DNAJC13: variants seen among roughly 807,000 people sequenced by gnomAD.
DNAJC13 encodes DnaJ heat shock protein family (Hsp40) member C13, also known as dnaJ homolog subfamily C member 13.
A neutral mutation model predicts 290.5 loss-of-function variants in DNAJC13; 75 were observed. The ratio of observed to expected loss-of-function variants is 0.26; its 90% CI spans 0.21 to 0.31. DNAJC13 has a LOEUF of 0.31. Among genes scored for constraint, DNAJC13 ranks in the 10% least tolerant of loss-of-function variants. The probability of loss-of-function intolerance (pLI) is 1.00; values close to 1 mark genes in which losing one functional copy is unlikely to be tolerated. For synonymous variants in DNAJC13, 862 were observed against 892.0 expected (o/e 0.97, Z 0.60); for missense variants, 2,260 against 2,674.5 (o/e 0.85, Z 3.42).
chr3:132,502,965 G>A (rs908984800), intron 40 of DNAJC13, among the ~76,000 whole-genome samples: 2 of 152,152 alleles, frequency 1.3e-5, no homozygotes, highest in African/African-American at 4.8e-5. Context: ...TCTTCCAGTT[G>A]TCTGTGAGAT....
At chr3:132,443,665 A>G (rs180943683) in intron 2 of DNAJC13, among the ~76,000 whole-genome samples, 1 of 152,322 alleles carries the variant, frequency 6.6e-6, no homozygotes, top group East Asian at 1.9e-4. Context: ...TATTTGCCCC[A>G]TCCTTAAGCG....
In DNAJC13 at chr3:132,499,290, A is replaced by G. The variant is rs1442080032; in HGVS notation, c.4321A>G (p.Arg1441Gly). ...TTCAGCCCTCAATGCTGAAGAGCTCAGAAGAGAGAATGGACTAGAGGTAAT... is the reference window on the plus strand; with the variant it reads ...TTCAGCCCTCAATGCTGAAGAGCTCGGAAGAGAGAATGGACTAGAGGTAAT... ...NCSALNAEEL[R>G]RENGLEVLQE... Residue 1441 changes from arginine to glycine, a missense_variant, in exon 37 of 56, where the codon AGA (arginine) becomes GGA (glycine). By Grantham distance (125) the Arg-to-Gly change is moderately radical. Around this residue, in one of 3 missense-constraint regions of DNAJC13, gnomAD observed 1,494 missense variants for 1,693.7 expected, o/e 0.88. Coordinates refer to ENST00000260818, the MANE Select transcript of DNAJC13 (RefSeq NM_015268.4). The G allele has an allele frequency of 1.9e-6, 3 of 1,609,208 alleles. No homozygotes were observed. Among genetic ancestry groups the G allele is most frequent in the African/African-American group, 2.7e-5 (2 of 74,742 alleles).
chr3:132,461,120 A>G lies in DNAJC13; in HGVS notation c.1628A>G (p.Tyr543Cys), dbSNP rs763684355. ...DFLTFALCAP[Y>C]SETTEGQQFD... ...CTTACCTTTGCCCTCTGTGCTCCAT[A>G]TAGTGAGACAACTGAAGGGCAGCAG... Residue 543 changes from tyrosine to cysteine, a missense_variant, in exon 15 of 56, where the codon TAT (tyrosine) becomes TGT (cysteine). Coordinates refer to ENST00000260818, the MANE Select transcript of DNAJC13 (RefSeq NM_015268.4). 2.0e-5 allele frequency: 32 copies of G among 1,613,988 alleles called. No homozygotes were observed. Among genetic ancestry groups the G allele is most frequent in the Non-Finnish European group, 2.5e-5 (30 of 1,179,970 alleles).
At chr3:132,538,040 A>G in intron 55 of DNAJC13, 136 bp from the exon 56 acceptor site, 1 of 632,404 alleles carries the variant, frequency 1.6e-6, no homozygotes, top group Non-Finnish European at 2.8e-6. Flanking sequence ...TAAGGTATAG[A>G]TGTAATTTAG....
At position 132,437,210 on chromosome 3, in the gene DNAJC13, C is replaced by G. The variant is rs998602584; in HGVS notation, c.68+2592C>G. Among the ~76,000 whole-genome samples the G allele has an allele frequency of 2.0e-5, 3 of 152,204 alleles. No individual in the cohort carries two copies. In the South Asian group the frequency reaches 6.2e-4, roughly 32 times the overall value. On this transcript the variant is annotated intron_variant, in intron 2 of 55. Coordinates refer to ENST00000260818, the MANE Select transcript of DNAJC13 (RefSeq NM_015268.4). ...TTTATTCACTTTTAAATTAGGTTGT[C>G]TTATTACTGAATTGTGAGAGTTCTT...
rs369395136 is a variant in DNAJC13 at position 132,502,449 on chromosome 3, G to C, written c.4697G>C (p.Ser1566Thr). ...CTAGAAGAGAGTGGCATTCAGAAAA[G>C]TGAAGAAACAAACCAGCAGGTAACT... Reference protein sequence around the residue: ...YTLEESGIQKSEETNQQEVAN... With the variant: ...YTLEESGIQKTEETNQQEVAN... Residue 1566 changes from serine to threonine, a missense_variant, in exon 40 of 56, where the codon AGT becomes ACT. Transcript: ENST00000260818. 3.7e-6 allele frequency: 6 copies of C among 1,607,744 alleles called. No homozygotes were observed. Among genetic ancestry groups the C allele is most frequent in the South Asian group, 2.2e-5 (2 of 89,926 alleles).
chr3:132,520,070 C>G (rs1936041893), intron 48 of DNAJC13, among the ~76,000 whole-genome samples: 1 of 152,134 alleles, frequency 6.6e-6, no homozygotes, highest in African/African-American at 2.4e-5. Context: ...ATTCAGTTAC[C>G]TCCCACCGCG....
At position 132,495,073 on chromosome 3, in the gene DNAJC13, T is replaced by A; in HGVS notation, c.3942-15T>A. 3 of 1,605,826 alleles carry A rather than the reference T, an allele frequency of 1.9e-6. No homozygotes were observed. Among genetic ancestry groups the A allele is most frequent in the Non-Finnish European group, 2.6e-6 (3 of 1,173,534 alleles). The stretch of plus-strand genomic sequence containing the variant: ...TGCCTTACTATACTCATAAAACAAT[T>A]TTCCTGTTTAACAGGCATGATGAGA... On this transcript the variant is annotated splice_polypyrimidine_tract_variant and intron_variant, in intron 34 of 55. Transcript: ENST00000260818.
intron 2 of DNAJC13, among the ~76,000 whole-genome samples, chr3:132,438,549 C>T (rs1210113144): frequency 2.0e-5 from 3 of 152,150 alleles, no homozygotes; most frequent in Non-Finnish European, 2.9e-5. Context: ...TGCCTATTTC[C>T]GTGTTGCTAA....
Position 132,450,734 on chromosome 3 carries a change from C to T in DNAJC13, c.424C>T (p.Pro142Ser). Residue 142 changes from proline to serine, a missense_variant, in exon 6 of 56, where the codon CCT becomes TCT. By Grantham distance (74) the Pro-to-Ser change is moderately conservative (BLOSUM62 -1). Around this residue, in one of 3 missense-constraint regions of DNAJC13, gnomAD observed 762 missense variants for 964.1 expected, o/e 0.79. Transcript: ENST00000260818. ...VTPGGFDQINPATNRVLCSYD... is the reference protein window; with the variant it reads ...VTPGGFDQINSATNRVLCSYD... ...TCCAGGAGGCTTTGACCAAATTAATCCTGCAACCAACAGAGTACTCTGTTC... is the reference window on the plus strand; with the variant it reads ...TCCAGGAGGCTTTGACCAAATTAATTCTGCAACCAACAGAGTACTCTGTTC... 1.2e-6 allele frequency: 2 copies of T among 1,612,700 alleles called. No homozygotes were observed. Among genetic ancestry groups the T allele is most frequent in the Admixed American group, 1.7e-5 (1 of 59,974 alleles).
intron 20 of DNAJC13, among the ~76,000 whole-genome samples, chr3:132,468,553 C>T (rs1468593805): frequency 6.6e-6 from 1 of 152,120 alleles, no homozygotes; most frequent in Non-Finnish European, 1.5e-5. Flanking sequence ...AAAGAGAATA[C>T]TGAACTTTGA....
intron 52 of DNAJC13, 146 bp downstream of exon 52, chr3:132,525,935 G>A: frequency 5.8e-6 from 7 of 1,199,582 alleles, no homozygotes; most frequent in Non-Finnish European, 7.9e-6. Flanking sequence ...TATTAGTTCT[G>A]GGTTTATCAA....
chr3:132,524,749 C>T (rs948526702), intron 51 of DNAJC13, among the ~76,000 whole-genome samples: 2 of 152,196 alleles, frequency 1.3e-5, no homozygotes, highest in Non-Finnish European at 2.9e-5. Context: ...ATAGCAGTTT[C>T]CTCCTATATC....
intron 54 of DNAJC13, among the ~76,000 whole-genome samples, chr3:132,530,655 C>T (rs1331418308): frequency 1.3e-5 from 2 of 152,204 alleles, no homozygotes; most frequent in Admixed American, 6.5e-5. Flanking sequence ...AGGAATAGCT[C>T]ATCAGCCCAT....
rs1934748437 is a variant in DNAJC13 at position 132,483,434 on chromosome 3, C to T, written c.3039C>T (p.Gly1013=). ...LNAKTRCWAQ[G]MDGWRPLQSI... is the part of the protein sequence containing the mutation. ...CAAAAACCAGATGCTGGGCTCAAGGCATGGATGGATGGCGACCACTTCAGT... is the reference window on the plus strand; with the variant it reads ...CAAAAACCAGATGCTGGGCTCAAGGTATGGATGGATGGCGACCACTTCAGT... Residue 1013 remains glycine, a synonymous_variant, in exon 28 of 56, where the codon GGC becomes GGT. Transcript: ENST00000260818. 1 of 1,614,132 alleles carries T rather than the reference C, an allele frequency of 6.2e-7. No homozygotes were observed. Among genetic ancestry groups the T allele is most frequent in the Non-Finnish European group, 8.5e-7 (1 of 1,180,018 alleles).
At chr3:132,476,558 GTT>G (rs1349103278) in intron 22 of DNAJC13, among the ~76,000 whole-genome samples, 1 of 152,138 alleles carries the variant, frequency 6.6e-6, no homozygotes, top group Non-Finnish European at 1.5e-5. Flanking sequence ...TGCTCTTGTG[GTT>G]TCCCATCTCA....
chr3:132,460,146 A>G, intron 13 of DNAJC13, 104 bp from the exon 14 acceptor site: 2 of 653,622 alleles, frequency 3.1e-6, no homozygotes, highest in South Asian at 3.1e-5. Context: ...ATGGTTTTTA[A>G]TTCTTTCAAT....
intron 32 of DNAJC13, among the ~76,000 whole-genome samples, chr3:132,491,287 C>G (rs986294814): frequency 6.6e-6 from 1 of 152,054 alleles, no homozygotes; most frequent in Non-Finnish European, 1.5e-5. Context: ...ATGGTAGGGC[C>G]TACCAACTGC....
intron 19 of DNAJC13, 50 bp from the exon 20 acceptor site, chr3:132,467,120 A>C (rs1215483295): frequency 6.4e-7 from 1 of 1,568,392 alleles, no homozygotes; most frequent in Non-Finnish European, 8.6e-7. Flanking sequence ...ATAGAGTTTT[A>C]AAATAAATTT....
Sources: gnomAD v4.1 joint callset for allele counts (sites outside exome capture counted in the v4.1 genomes callset) on GRCh38, gnomAD v4.1.1 for gene constraint, gnomAD v4.1.1 regional missense constraint, MANE v1.5 for transcripts, NCBI Gene and HGNC (gene_info 2026-07-23, HGNC 2026-07-21) for gene names.